DLC1: variants seen among roughly 807,000 people sequenced by gnomAD.
The protein encoded by DLC1 is DLC1 Rho GTPase activating protein, also known as rho GTPase-activating protein 7.
A neutral mutation model predicts 140.3 loss-of-function variants in DLC1; 54 were observed. The observed-to-expected ratio is 0.38, with a 90% CI of 0.31 to 0.48. The LOEUF (loss-of-function observed/expected upper bound fraction) is 0.48. DLC1 is among the 20% of genes least tolerant of loss of function. The probability of loss-of-function intolerance (pLI) is 0.96; values close to 1 mark genes in which losing one functional copy is unlikely to be tolerated. For synonymous variants in DLC1, 986 were observed against 728.1 expected, an observed-to-expected ratio of 1.35 and a Z score of -5.70; for missense variants, 2,536 against 1,907.0, an observed-to-expected ratio of 1.33 and a Z score of -6.14.
intron 10 of DLC1, 121 bp downstream of exon 10, chr8:13,098,278 A>AT: frequency 2.4e-6 from 3 of 1,258,912 alleles, no homozygotes; most frequent in Non-Finnish European, 3.3e-6. Flanking sequence ...TTGCCATAGG[A>AT]TGACAGATGA....
chr8:13,160,152 C>T (rs13439282), intron 5 of DLC1: 29,918 of 152,186 alleles, frequency 0.2, 3,370 homozygotes, highest in African/African-American at 0.3. Flanking sequence ...AGTGAGACTC[C>T]GTCTTGGAAA....
chr8:13,480,958 A>G (rs1003455683), intron 2 of DLC1, among the ~76,000 whole-genome samples: 2 of 152,136 alleles, frequency 1.3e-5, no homozygotes, highest in Non-Finnish European at 2.9e-5. Context: ...TGCAGTGTAG[A>G]ATATGGATTG....
At chr8:13,431,640 A>G (rs1205564498) in intron 2 of DLC1, among the ~76,000 whole-genome samples, 8 of 152,016 alleles carry the variant, frequency 5.3e-5, no homozygotes, top group African/African-American at 1.9e-4. Flanking sequence ...AATTCAAGAC[A>G]TACATCTGCT....
rs185085458 is a variant in DLC1 at position 13,286,344 on chromosome 8, G to A, written c.1348+18925C>T. On this transcript the variant is annotated intron_variant, in intron 5 of 17. Transcript: ENST00000276297. ...CACTGGCTTGGAGAATATGTATATCGAAATGACATACCCAGTGTTGTGTTA... is the reference window on the plus strand; with the variant it reads ...CACTGGCTTGGAGAATATGTATATCAAAATGACATACCCAGTGTTGTGTTA... Among the ~76,000 whole-genome samples the A allele has an allele frequency of 5.9e-5, 9 of 152,142 alleles. 1 individual carries two copies. The East Asian group carries it at 9.7e-4, about 16-fold the overall frequency.
chr8:13,528,385 T>C (rs1802986537), intron 1 of DLC1, among the ~76,000 whole-genome samples: 1 of 152,110 alleles, frequency 6.6e-6, no homozygotes, highest in South Asian at 2.1e-4. Context: ...ACATATCTGA[T>C]TGTAAGTTGA....
At chr8:13,576,613 T>A (rs1183776049) in intron 1 of DLC1, among the ~76,000 whole-genome samples, 1 of 151,596 alleles carries the variant, frequency 6.6e-6, no homozygotes, top group Admixed American at 6.6e-5. Flanking sequence ...TACCCAATAA[T>A]TTTCACAAAT....
chr8:13,443,890 C>A (rs1798658971), intron 2 of DLC1, among the ~76,000 whole-genome samples: 1 of 152,086 alleles, frequency 6.6e-6, no homozygotes, highest in African/African-American at 2.4e-5. Context: ...TGGCGTTTCT[C>A]CCTATCCCTA....
intron 12 of DLC1, among the ~76,000 whole-genome samples, chr8:13,094,517 T>C (rs191358174): frequency 1.3e-5 from 2 of 152,064 alleles, no homozygotes; most frequent in Non-Finnish European, 2.9e-5. Flanking sequence ...AATGCAAAAA[T>C]TAGCCAGACG....
chr8:13,271,202 C>G (rs1273487056), intron 5 of DLC1, among the ~76,000 whole-genome samples: 1 of 152,214 alleles, frequency 6.6e-6, no homozygotes, highest in African/African-American at 2.4e-5. Context: ...TTAAAAATCT[C>G]CTCTGGTGTT....
At chr8:13,404,382 G>C (rs1837431570) in intron 2 of DLC1, among the ~76,000 whole-genome samples, 1 of 152,222 alleles carries the variant, frequency 6.6e-6, no homozygotes, top group South Asian at 2.1e-4. Flanking sequence ...TGGCCCGTTC[G>C]AGCTGGTGTG....
At chr8:13,212,007 C>T (rs912663171) in intron 5 of DLC1, among the ~76,000 whole-genome samples, 5 of 152,178 alleles carry the variant, frequency 3.3e-5, no homozygotes, top group Non-Finnish European at 7.3e-5. Context: ...AGGACATTAA[C>T]ACCCCATGGA....
intron 5 of DLC1, among the ~76,000 whole-genome samples, chr8:13,231,631 T>C (rs1228953689): frequency 2.0e-5 from 3 of 152,230 alleles, no homozygotes; most frequent in Non-Finnish European, 2.9e-5. Context: ...AAGTCAAAGA[T>C]TGTTAGAGCA....
intron 1 of DLC1, among the ~76,000 whole-genome samples, chr8:13,544,616 T>C (rs1348139597): frequency 6.6e-6 from 1 of 152,174 alleles, no homozygotes; most frequent in Non-Finnish European, 1.5e-5. Flanking sequence ...ATTCATGCTC[T>C]TGAGAGTAAT....
At chr8:13,133,107 G>A (rs993388862) in intron 5 of DLC1, 15 of 1,480,756 alleles carry the variant, frequency 1.0e-5, no homozygotes, top group Non-Finnish European at 1.2e-5. Flanking sequence ...ACGCATCCTT[G>A]CTCGCCGCTC....
chr8:13,225,898 A>G (rs1260835092), intron 5 of DLC1, among the ~76,000 whole-genome samples: 1 of 152,012 alleles, frequency 6.6e-6, no homozygotes, highest in Non-Finnish European at 1.5e-5. Flanking sequence ...TACAGGCGTG[A>G]GCCACCGCGC....
chr8:13,565,623 G>C (rs1804400209), intron 1 of DLC1, among the ~76,000 whole-genome samples: 1 of 152,012 alleles, frequency 6.6e-6, no homozygotes, highest in South Asian at 2.1e-4. Context: ...TTCACTTTTT[G>C]CCAGAATGAA....
chr8:13,311,509 C>G (rs558263452), intron 4 of DLC1, among the ~76,000 whole-genome samples: 1 of 152,300 alleles, frequency 6.6e-6, no homozygotes, highest in South Asian at 2.1e-4. Flanking sequence ...AATGCACACA[C>G]AATTATCTGA....
chr8:13,567,229 G>C, intron 1 of DLC1: 2 of 1,551,530 alleles, frequency 1.3e-6, no homozygotes, highest in Non-Finnish European at 1.7e-6. Context: ...TAAAAATTAT[G>C]AAAAGAAGTT....
At chr8:13,558,797 C>A (rs982155173) in intron 1 of DLC1, 4 of 152,154 alleles carry the variant, frequency 2.6e-5, no homozygotes, top group African/African-American at 9.7e-5. Flanking sequence ...TTCTCAATCT[C>A]TGTTCTTAGA....
Sources: allele counts gnomAD v4.1 joint callset (sites outside exome capture counted in the v4.1 genomes callset), GRCh38; gene constraint gnomAD v4.1.1; transcripts MANE v1.5; gene names NCBI Gene and HGNC (gene_info 2026-07-23, HGNC 2026-07-21).